The following MZT1 variants were observed in gnomAD, a reference collection of about 807,000 sequenced individuals.
The protein encoded by MZT1 is mitotic spindle organizing protein 1.
Under a neutral mutation model 8.5 loss-of-function variants are expected in MZT1, and 8 were observed. The ratio of observed to expected loss-of-function variants is 0.94; its 90% CI spans 0.55 to 1.70. The LOEUF is 1.70. Ranked by LOEUF, MZT1 falls within the 40% of genes most tolerant of loss-of-function variation. The probability of loss-of-function intolerance (pLI) is 0.00; values close to 1 mark genes in which losing one functional copy is unlikely to be tolerated. For missense variants in MZT1, 93 were observed against 108.6 expected (o/e 0.86, Z 0.64); for synonymous variants, 38 against 42.0 (o/e 0.90, Z 0.37).
chr13:72,718,899 T>A (rs2032565664), intron 2 of MZT1, 53 bp downstream of exon 2: 4 of 1,486,658 alleles, frequency 2.7e-6, no homozygotes, highest in Middle Eastern at 2.4e-4. Context: ...TCATTAATCA[T>A]TTTTCTAAAT....
At chr13:72,712,638 A>G (rs2032498813) in intron 2 of MZT1, among the ~76,000 whole-genome samples, 1 of 152,238 alleles carries the variant, frequency 6.6e-6, no homozygotes, top group African/African-American at 2.4e-5. Flanking sequence ...TGGATGCAGA[A>G]TAACTAGTAT....
At chr13:72,719,885 T>G (rs1039561865) in intron 1 of MZT1, among the ~76,000 whole-genome samples, 1 of 85,256 alleles carries the variant, frequency 1.2e-5, no homozygotes, top group African/African-American at 3.1e-5. Flanking sequence ...TTACAGGTTG[T>G]AAGTACACCG....
intron 2 of MZT1, among the ~76,000 whole-genome samples, chr13:72,717,342 T>C (rs543521660): frequency 1.1e-3 from 168 of 147,048 alleles, no homozygotes; most frequent in Middle Eastern, 0.01. Flanking sequence ...ACTTTCTTTT[T>C]TTTTTTTTTT....
At chr13:72,715,893 C>T (rs1172264379) in intron 2 of MZT1, among the ~76,000 whole-genome samples, 2 of 151,918 alleles carry the variant, frequency 1.3e-5, no homozygotes, top group Non-Finnish European at 2.9e-5. Context: ...CTTTTCTTTA[C>T]AAATTATCTG....
rs75553768 is a variant in MZT1 at position 72,712,610 on chromosome 13, C to T, written c.226-2265G>A. 1.5e-3 allele frequency among the ~76,000 whole-genome samples: 222 copies of T among 152,334 alleles called. 1 individual carries two copies. Among genetic ancestry groups the T allele is most frequent in the African/African-American group, 5.2e-3 (216 of 41,566 alleles). ...TCTTAATTACTGATTTTACCTCCCA[C>T]ATCTCACTATGGCCCACTGGATGCA... On this transcript the variant is annotated intron_variant, in intron 2 of 2. Transcript: ENST00000377818.
Position 72,710,048 on chromosome 13 carries a change from TA to T in MZT1, c.*273del. On this transcript the variant is annotated 3_prime_UTR_variant, in exon 3 of 3. Transcript: ENST00000377818. ...CTTAGAAAATTAAAGCTATCAGAGC[TA>T]TAAATAAGGAATACATAAATATGAA... The T allele has an allele frequency of 2.4e-6, 1 of 415,738 alleles. No homozygotes were observed. The highest frequency in any genetic ancestry group is 4.3e-6 in the Non-Finnish European group (1 of 232,238). 25.8% of individuals were successfully genotyped at this position (415,738 alleles called of 1,614,324 possible).
chr13:72,724,539 G>GT (rs201616341), intron 1 of MZT1, among the ~76,000 whole-genome samples: 19,863 of 111,406 alleles, frequency 0.18, 2,489 homozygotes, highest in Non-Finnish European at 0.24. Context: ...TCTATAACGT[G>GT]TTTTTTTTTT....
chr13:72,710,234 G>T lies in MZT1; in HGVS notation c.*88C>A. The T allele has an allele frequency of 7.2e-7, 1 of 1,381,096 alleles. No individual in the cohort carries two copies. Among genetic ancestry groups the T allele is most frequent in the Non-Finnish European group, 1.0e-6 (1 of 978,926 alleles). 85.6% of individuals were successfully genotyped at this position (1,381,096 alleles called of 1,614,324 possible). A position where few individuals can be genotyped will look rare whatever the true frequency, so the allele number is the denominator to read the frequency against. ...AAATTTTTCTACACTGCTGCATGCA[G>T]TAATTTCATTGTACATTCTCAACTA... On this transcript the variant is annotated 3_prime_UTR_variant, in exon 3 of 3. Transcript: ENST00000377818.
rs1566216227 is a variant in MZT1, at chr13:72,727,555, C to T, written c.48G>A (p.Ala16=). ...GAGAAAAAAA[A]NLNAVRETMD... ...TGGTCTCCCGCACCGCATTCAGATT[C>T]GCCGCCGCGGCCGCCGCCGCCGCCC... Residue 16 remains alanine (A), a synonymous_variant, in exon 1 of 3, where the codon GCG becomes GCA. Transcript: ENST00000377818. The T allele has an allele frequency of 1.2e-6, 2 of 1,608,504 alleles. No individual in the cohort carries two copies. The highest frequency in any genetic ancestry group is 1.1e-5 in the South Asian group (1 of 90,814).
chr13:72,722,402 C>G (rs2032600320), intron 1 of MZT1, among the ~76,000 whole-genome samples: 1 of 152,158 alleles, frequency 6.6e-6, no homozygotes, highest in South Asian at 2.1e-4. Flanking sequence ...CGGTAGGGCT[C>G]AATAAAAAAG....
In MZT1 at chr13:72,724,752, A is replaced by ATATATGTGTGTGTGTG. The variant is rs1180726488; in HGVS notation, c.79+2771_79+2772insCACACACACACATATA. Among the ~76,000 whole-genome samples, 62 of 56,884 alleles carry ATATATGTGTGTGTGTG rather than the reference A, an allele frequency of 1.1e-3. 6 individuals carry two copies. The highest frequency in any genetic ancestry group is 1.6e-3 in the South Asian group (2 of 1,246). 37.3% of individuals were successfully genotyped at this position (56,884 alleles called of 152,430 possible). A position where few individuals can be genotyped will look rare whatever the true frequency, so the allele number is the denominator to read the frequency against. ...TATATATATATATACACATATATAT[A>ATATATGTGTGTGTGTG]TGTAAAGTGGTGCTACAGGCCGGGC... On this transcript the variant is annotated intron_variant, in intron 1 of 2. Transcript: ENST00000377818.
At chr13:72,719,122 A>C (rs377320255) in intron 1 of MZT1, 25 bp from the exon 2 acceptor site, 2 of 1,521,512 alleles carry the variant, frequency 1.3e-6, no homozygotes, top group Admixed American at 2.4e-5. Context: ...AAAAAAAAAA[A>C]AAACTTAAGG....
chr13:72,719,637 T>C (rs1434000485), intron 1 of MZT1, among the ~76,000 whole-genome samples: 2 of 152,106 alleles, frequency 1.3e-5, no homozygotes, highest in Non-Finnish European at 2.9e-5. Context: ...TGACATACAA[T>C]AGTCAAAAAA....
rs1195297857 is a variant in MZT1, at chr13:72,724,727, TATATATATATATACAC to T, written c.79+2781_79+2796del. ...ATATATATATATATATACATATATA[TATATATATATATACAC>T]ATATATATATGTAAAGTGGTGCTAC... On this transcript the variant is annotated intron_variant, in intron 1 of 2. Coordinates refer to ENST00000377818, the MANE Select transcript of MZT1 (RefSeq NM_001071775.3). 4.0e-3 allele frequency among the ~76,000 whole-genome samples: 121 copies of T among 30,378 alleles called. 5 individuals carry two copies. The highest frequency in any genetic ancestry group is 0.012 in the Non-Finnish European group (69 of 5,924). 19.9% of individuals were successfully genotyped at this position (30,378 alleles called of 152,430 possible). A position where few individuals can be genotyped will look rare whatever the true frequency, so the allele number is the denominator to read the frequency against.
At chr13:72,720,934 T>TG (rs2032587370) in intron 1 of MZT1, among the ~76,000 whole-genome samples, 2 of 149,670 alleles carry the variant, frequency 1.3e-5, no homozygotes, top group African/African-American at 2.4e-5. Flanking sequence ...ATTTGAGTCT[T>TG]AAAAAAAAAA....
chr13:72,710,625 C>T (rs1178656091), intron 2 of MZT1, among the ~76,000 whole-genome samples: 1 of 152,092 alleles, frequency 6.6e-6, no homozygotes. Context: ...GAAACATTAA[C>T]CTATGGCAGA....
chr13:72,726,058 G>A (rs1348539224), intron 1 of MZT1, among the ~76,000 whole-genome samples: 1 of 152,048 alleles, frequency 6.6e-6, no homozygotes, highest in African/African-American at 2.4e-5. Context: ...TAGATGCAAA[G>A]GCTCTAAAAG....
intron 2 of MZT1, among the ~76,000 whole-genome samples, chr13:72,710,907 A>AC (rs1219294162): frequency 6.6e-6 from 1 of 152,164 alleles, no homozygotes; most frequent in Non-Finnish European, 1.5e-5. Context: ...CTATTATCCT[A>AC]CCTAAAAAAT....
chr13:72,711,153 T>G lies in MZT1; in HGVS notation c.226-808A>C, dbSNP rs117636026. 1.3e-3 allele frequency among the ~76,000 whole-genome samples: 204 copies of G among 152,250 alleles called. 4 individuals carry two copies. The East Asian group carries it at 0.029, about 21-fold the overall frequency. Reference sequence around the variant, plus strand: ...GGTATAACTTAAGACACTGGGGTACTAAAATAGAAGATACAGGAAAGTAGG... The same window carrying G: ...GGTATAACTTAAGACACTGGGGTACGAAAATAGAAGATACAGGAAAGTAGG... On this transcript the variant is annotated intron_variant, in intron 2 of 2. Transcript: ENST00000377818.
Sources: allele counts gnomAD v4.1 joint callset (sites outside exome capture counted in the v4.1 genomes callset), GRCh38; gene constraint gnomAD v4.1.1; transcripts MANE v1.5; gene names NCBI Gene and HGNC (gene_info 2026-07-23, HGNC 2026-07-21).